ST14: variants seen among roughly 807,000 people sequenced by gnomAD.
The protein encoded by ST14 is ST14 transmembrane serine protease matriptase.
ST14 carries 40 observed loss-of-function variants against 96.5 expected under a neutral mutation model. That is an observed-to-expected ratio of 0.41 (90% CI 0.32 to 0.54). ST14 has a LOEUF of 0.54. Among genes scored for constraint, ST14 ranks in the 20% least tolerant of loss-of-function variants. The pLI is 0.17. For missense variants in ST14, 1,066 were observed against 1,188.9 expected, an observed-to-expected ratio of 0.90 and a Z score of 1.52; for synonymous variants, 506 against 492.1, an observed-to-expected ratio of 1.03 and a Z score of -0.37.
chr11:130,174,716 A>G (rs1309731296), intron 1 of ST14, among the ~76,000 whole-genome samples: 1 of 151,946 alleles, frequency 6.6e-6, no homozygotes, highest in Non-Finnish European at 1.5e-5. Flanking sequence ...TCACCAGAGG[A>G]CTCTGTGGCC....
chr11:130,179,225 G>C (rs1953168245), intron 1 of ST14, among the ~76,000 whole-genome samples: 1 of 152,170 alleles, frequency 6.6e-6, no homozygotes, highest in Non-Finnish European at 1.5e-5. Flanking sequence ...GCACCTCCAG[G>C]GAGAGGGGCT....
chr11:130,189,811 C>T lies in ST14; in HGVS notation c.513C>T (p.Arg171=), dbSNP rs1332238226. The T allele has an allele frequency of 1.6e-5, 26 of 1,613,884 alleles. No homozygotes were observed. The highest frequency in any genetic ancestry group is 3.3e-5 in the South Asian group (3 of 91,084). Residue 171 remains arginine (R), a synonymous_variant, in exon 5 of 19, where the codon CGC becomes CGT. Transcript: ENST00000278742. ...IPQHLVEEAE[R]VMAEERVVML... ...AGCACCTGGTGGAGGAGGCCGAGCGCGTCATGGCCGAGGAGCGCGTAGTCA... is the reference window on the plus strand; with the variant it reads ...AGCACCTGGTGGAGGAGGCCGAGCGTGTCATGGCCGAGGAGCGCGTAGTCA...
At chr11:130,198,840 G>T (rs1953397660) in intron 14 of ST14, 107 bp from the exon 15 acceptor site, 1 of 1,604,480 alleles carries the variant, frequency 6.2e-7, no homozygotes, top group African/African-American at 1.3e-5. Context: ...GCAGGCCTGG[G>T]TGAGGGGGTA....
chr11:130,208,832 G>T, intron 17 of ST14, 148 bp downstream of exon 17: 1 of 1,098,182 alleles, frequency 9.1e-7, no homozygotes, highest in South Asian at 1.7e-5. Context: ...CGGAATGGAG[G>T]CCTTTAGTAA....
In ST14 at chr11:130,170,738, C is replaced by A. The variant is rs908845030; in HGVS notation, c.81+10678C>A. Among the ~76,000 whole-genome samples the A allele has an allele frequency of 3.3e-5, 5 of 152,148 alleles. No individual in the cohort carries two copies. In the South Asian group the frequency reaches 6.2e-4, roughly 19 times the overall value. On this transcript the variant is annotated intron_variant, in intron 1 of 18. Coordinates refer to ENST00000278742, the MANE Select transcript of ST14 (RefSeq NM_021978.4). ...AACGTCAGAGTTGAGGGAGCCAGTG[C>A]CCTTAGACCAATGTTAAAGGAGTGA... is the stretch of plus-strand genomic sequence containing the variant.
chr11:130,197,825 C>T lies in ST14; in HGVS notation c.1355-16C>T. 1.3e-6 allele frequency: 2 copies of T among 1,550,774 alleles called. No individual in the cohort carries two copies. Among genetic ancestry groups the T allele is most frequent in the Non-Finnish European group, 8.7e-7 (1 of 1,150,866 alleles). On this transcript the variant is annotated splice_polypyrimidine_tract_variant and intron_variant, in intron 11 of 18. Transcript: ENST00000278742. ...TGGGTGGGTGCTGGGGGCCTCAGGC[C>T]TGCCTGTGCCCGCAGCATGCCCGGG...
intron 4 of ST14, 91 bp downstream of exon 4, chr11:130,189,030 G>A: frequency 7.2e-7 from 1 of 1,381,132 alleles, no homozygotes; most frequent in South Asian, 1.2e-5. Flanking sequence ...AGCGGGAGAT[G>A]GTGCTGGAGG....
chr11:130,170,919 T>C (rs1953086735), intron 1 of ST14, among the ~76,000 whole-genome samples: 1 of 152,078 alleles, frequency 6.6e-6, no homozygotes. Flanking sequence ...TGAGGTATGA[T>C]TGATATGCAA....
At chr11:130,178,065 C>T (rs1156766359) in intron 1 of ST14, among the ~76,000 whole-genome samples, 1 of 152,218 alleles carries the variant, frequency 6.6e-6, no homozygotes, top group East Asian at 1.9e-4. Flanking sequence ...GCCTCAGGCA[C>T]ACAGGCTCAA....
intron 16 of ST14, among the ~76,000 whole-genome samples, chr11:130,203,311 G>C (rs1046540969): frequency 2.6e-5 from 4 of 152,158 alleles, no homozygotes; most frequent in African/African-American, 9.7e-5. Context: ...CGCCTCCTGG[G>C]TGTTCCTGAA....
At chr11:130,176,858 G>C (rs985988204) in intron 1 of ST14, among the ~76,000 whole-genome samples, 1 of 141,562 alleles carries the variant, frequency 7.1e-6, no homozygotes, top group Non-Finnish European at 1.5e-5. Flanking sequence ...GAGTGCAGTG[G>C]CATGATCTCG....
chr11:130,167,165 C>G (rs1050805958), intron 1 of ST14, among the ~76,000 whole-genome samples: 1 of 152,184 alleles, frequency 6.6e-6, no homozygotes, highest in East Asian at 1.9e-4. Context: ...GAGCCGAGAT[C>G]GTGCCATTGC....
intron 16 of ST14, among the ~76,000 whole-genome samples, chr11:130,202,802 T>C (rs986371112): frequency 1.3e-5 from 2 of 152,194 alleles, no homozygotes; most frequent in African/African-American, 4.8e-5. Context: ...TCTCTGTGCT[T>C]GAGTCCTCAT....
rs1451007353 is a variant in ST14 at position 130,189,455 on chromosome 11, C to T, written c.441-284C>T. Reference sequence around the variant, plus strand: ...AGGAAGGTGACACTCGGTGTGTCCTCGCTTGTGGCCAAACTCCAATGGGTT... The same window carrying T: ...AGGAAGGTGACACTCGGTGTGTCCTTGCTTGTGGCCAAACTCCAATGGGTT... On this transcript the variant is annotated intron_variant, in intron 4 of 18. Transcript: ENST00000278742. 3.2e-5 allele frequency: 17 copies of T among 536,606 alleles called. No homozygotes were observed. In the Admixed American group the frequency reaches 3.5e-4, roughly 11 times the overall value. 33.2% of individuals were successfully genotyped at this position (536,606 alleles called of 1,614,324 possible).
chr11:130,204,027 G>A (rs1022332763), intron 16 of ST14, among the ~76,000 whole-genome samples: 2 of 152,164 alleles, frequency 1.3e-5, no homozygotes, highest in African/African-American at 2.4e-5. Flanking sequence ...ACGTGATGTC[G>A]AGGCTTGGTT....
At chr11:130,178,558 T>A (rs1591881710) in intron 1 of ST14, among the ~76,000 whole-genome samples, 2 of 152,066 alleles carry the variant, frequency 1.3e-5, no homozygotes, top group Admixed American at 6.6e-5. Context: ...AACCGCTGGG[T>A]TTCTGTGTTG....
chr11:130,205,699 G>GTTTTTTTTTTTT (rs34790396), intron 16 of ST14, among the ~76,000 whole-genome samples: 2 of 94,630 alleles, frequency 2.1e-5, no homozygotes, highest in African/African-American at 4.0e-5. Context: ...TTCTTTAGAC[G>GTTTTTTTTTTTT]TTTTTTTTTT....
chr11:130,197,708 C>T lies in ST14; in HGVS notation c.1355-133C>T, dbSNP rs1419135034. The T allele has an allele frequency of 5.7e-5, 42 of 735,260 alleles. 1 individual carries two copies. The East Asian group carries it at 1.1e-3, about 20-fold the overall frequency. 45.5% of individuals were successfully genotyped at this position (735,260 alleles called of 1,614,324 possible). On this transcript the variant is annotated intron_variant, in intron 11 of 18. Coordinates refer to ENST00000278742, the MANE Select transcript of ST14 (RefSeq NM_021978.4). The stretch of plus-strand genomic sequence containing the variant: ...CACAGCTTGGTGGGCCTGGGTAACC[C>T]CTGCCCTGGGCCACAGCACCTGCCC...
chr11:130,165,606 C>A (rs553927837), intron 1 of ST14, among the ~76,000 whole-genome samples: 2 of 152,288 alleles, frequency 1.3e-5, no homozygotes, highest in African/African-American at 4.8e-5. Flanking sequence ...AATCTTGGAT[C>A]CTTTGACTCT....
Sources: allele counts gnomAD v4.1 joint callset (sites outside exome capture counted in the v4.1 genomes callset), GRCh38; gene constraint gnomAD v4.1.1; transcripts MANE v1.5; gene names NCBI Gene and HGNC (gene_info 2026-07-23, HGNC 2026-07-21).